The following ZBTB7C variants were observed in gnomAD, a reference collection of about 807,000 sequenced individuals.
ZBTB7C encodes zinc finger and BTB domain-containing protein 7C.
In ZBTB7C, 8 loss-of-function variants were observed where a neutral mutation model predicts 25.7. The observed-to-expected ratio is 0.31, with a 90% confidence interval of 0.18 to 0.56. The LOEUF is 0.56. ZBTB7C is among the 20% of genes least tolerant of loss of function. ZBTB7C has a pLI of 0.91. For missense variants in ZBTB7C, 824 were observed against 855.2 expected (o/e 0.96, Z 0.46); for synonymous variants, 394 against 369.0 (o/e 1.07, Z -0.78).
At chr18:48,115,210 G>C (rs2144687403) in intron 3 of ZBTB7C, among the ~76,000 whole-genome samples, 1 of 151,998 alleles carries the variant, frequency 6.6e-6, no homozygotes, top group South Asian at 2.1e-4. Flanking sequence ...ACTTAGTACA[G>C]GGTTTTCAAG....
intron 2 of ZBTB7C, among the ~76,000 whole-genome samples, chr18:48,253,698 C>A (rs373502629): frequency 6.6e-6 from 1 of 151,938 alleles, no homozygotes; most frequent in African/African-American, 2.4e-5. Context: ...ATCAGAGTAC[C>A]GATTAGTGCA....
chr18:48,274,519 G>A (rs1158850854), intron 2 of ZBTB7C, among the ~76,000 whole-genome samples: 4 of 152,046 alleles, frequency 2.6e-5, no homozygotes, highest in Non-Finnish European at 5.9e-5. Flanking sequence ...AAGCTAAGCT[G>A]TTTATATTTC....
chr18:48,306,426 T>C (rs968768794), intron 2 of ZBTB7C, among the ~76,000 whole-genome samples: 1 of 152,242 alleles, frequency 6.6e-6, no homozygotes, highest in African/African-American at 2.4e-5. Flanking sequence ...GTGTACAGTT[T>C]AGTGACATTA....
intron 3 of ZBTB7C, among the ~76,000 whole-genome samples, chr18:48,167,563 G>GGTGTGTGTGTGT (rs748451365): frequency 2.1e-3 from 301 of 142,570 alleles, no homozygotes; most frequent in African/African-American, 3.8e-3. Context: ...GCATTGCTAG[G>GGTGTGTGTGTGT]GTGTGTGTGT....
intron 3 of ZBTB7C, among the ~76,000 whole-genome samples, chr18:48,156,866 G>A (rs960038223): frequency 1.3e-5 from 2 of 151,974 alleles, no homozygotes; most frequent in African/African-American, 4.8e-5. Context: ...ATAAGAGAGA[G>A]GAGAGACCAG....
chr18:48,380,076 A>T (rs1178585933), intron 1 of ZBTB7C, among the ~76,000 whole-genome samples: 1 of 152,236 alleles, frequency 6.6e-6, no homozygotes. Context: ...ATTGTTTTTA[A>T]ATCATTTAGG....
intron 2 of ZBTB7C, among the ~76,000 whole-genome samples, chr18:48,263,653 A>G (rs887855395): frequency 2.7e-5 from 4 of 150,938 alleles, no homozygotes; most frequent in African/African-American, 9.7e-5. Context: ...AACTGTGTCT[A>G]TTCATGTCCC....
At chr18:48,054,172 A>G (rs561218949) in intron 3 of ZBTB7C, among the ~76,000 whole-genome samples, 2 of 152,260 alleles carry the variant, frequency 1.3e-5, no homozygotes, top group Non-Finnish European at 2.9e-5. Context: ...GAGCATTGGA[A>G]TCCTTCCGCG....
intron 2 of ZBTB7C, among the ~76,000 whole-genome samples, chr18:48,209,590 C>CAAAAAATAAAAAACAATT (rs2042655788): frequency 6.6e-6 from 1 of 151,916 alleles, no homozygotes; most frequent in Non-Finnish European, 1.5e-5. Context: ...CACATCTCTA[C>CAAAAAATAAAAAACAATT]AAAAAATAAA....
At chr18:48,035,901 T>TC (rs2035949935) in intron 4 of ZBTB7C, among the ~76,000 whole-genome samples, 1 of 152,224 alleles carries the variant, frequency 6.6e-6, no homozygotes, top group Admixed American at 6.5e-5. Context: ...TGGAGCTGTT[T>TC]CTGTGTCCCA....
At chr18:48,232,504 G>A (rs962601329) in intron 2 of ZBTB7C, among the ~76,000 whole-genome samples, 5 of 151,898 alleles carry the variant, frequency 3.3e-5, no homozygotes, top group Non-Finnish European at 7.4e-5. Flanking sequence ...CCATCTGCCA[G>A]CTAAGTACCA....
intron 2 of ZBTB7C, among the ~76,000 whole-genome samples, chr18:48,288,730 C>T (rs1381765166): frequency 4.6e-5 from 7 of 152,138 alleles, no homozygotes; most frequent in Admixed American, 2.6e-4. Context: ...TCTGTGAGGA[C>T]AAAGTGAGAA....
chr18:48,178,655 A>G (rs1378259051), intron 3 of ZBTB7C, among the ~76,000 whole-genome samples: 1 of 152,172 alleles, frequency 6.6e-6, no homozygotes, highest in East Asian at 1.9e-4. Context: ...ATTAAAATCA[A>G]AATATTAGCT....
intron 2 of ZBTB7C, among the ~76,000 whole-genome samples, chr18:48,272,234 C>A (rs866388185): frequency 3.3e-5 from 5 of 152,174 alleles, no homozygotes; most frequent in Admixed American, 6.5e-5. Flanking sequence ...TAGGCAGTAT[C>A]CAATGCTTTG....
intron 2 of ZBTB7C, among the ~76,000 whole-genome samples, chr18:48,188,494 C>T (rs149696632): frequency 6.6e-6 from 1 of 152,270 alleles, no homozygotes; most frequent in African/African-American, 2.4e-5. Flanking sequence ...CCACTGGGTC[C>T]CTCCCACAGA....
chr18:48,086,996 C>T (rs1389604237), intron 3 of ZBTB7C, among the ~76,000 whole-genome samples: 2 of 152,180 alleles, frequency 1.3e-5, no homozygotes, highest in African/African-American at 4.8e-5. Context: ...TAACTCCTCC[C>T]AGCGATTCTG....
At chr18:48,286,740 A>G (rs1452689416) in intron 2 of ZBTB7C, among the ~76,000 whole-genome samples, 1 of 152,146 alleles carries the variant, frequency 6.6e-6, no homozygotes, top group Non-Finnish European at 1.5e-5. Flanking sequence ...AAATTAGATA[A>G]CAGAACAAGT....
chr18:48,167,607 C>CGT, intron 3 of ZBTB7C, among the ~76,000 whole-genome samples: 1 of 49,608 alleles, frequency 2.0e-5, no homozygotes, highest in African/African-American at 7.7e-5. Context: ...TGCGCGCGTG[C>CGT]ACACGCGCAT....
intron 2 of ZBTB7C, among the ~76,000 whole-genome samples, chr18:48,257,786 G>GAA (rs199616477): frequency 7.1e-6 from 1 of 141,044 alleles, no homozygotes. Flanking sequence ...TTAACAAGCT[G>GAA]AAAAAAAAAA....
Sources: gnomAD v4.1 joint callset for allele counts (sites outside exome capture counted in the v4.1 genomes callset) on GRCh38, gnomAD v4.1.1 for gene constraint, MANE v1.5 for transcripts, NCBI Gene and HGNC (gene_info 2026-07-23, HGNC 2026-07-21) for gene names.